The following CACNG6 variants were observed in gnomAD, a reference collection of about 807,000 sequenced individuals.
The protein encoded by CACNG6 is voltage-dependent calcium channel gamma-6 subunit.
A neutral mutation model predicts 23.9 loss-of-function variants in CACNG6; 21 were observed. That is an observed-to-expected ratio of 0.88 (90% CI 0.62 to 1.26). The LOEUF is 1.26. Ranked by LOEUF, CACNG6 falls within the 50% of genes most tolerant of loss-of-function variation. The probability of loss-of-function intolerance (pLI) is 0.00; values close to 1 mark genes in which losing one functional copy is unlikely to be tolerated. For missense variants in CACNG6, 340 were observed against 352.9 expected (o/e 0.96, Z 0.29); for synonymous variants, 182 against 168.9 (o/e 1.08, Z -0.60).
At chr19:54,009,323 AG>A (rs2069679340) in intron 3 of CACNG6, among the ~76,000 whole-genome samples, 1 of 151,804 alleles carries the variant, frequency 6.6e-6, no homozygotes, top group Non-Finnish European at 1.5e-5. Flanking sequence ...CAGGAGGCTG[AG>A]GCAGGAGAAT....
chr19:54,001,257 C>T (rs1568814452), intron 3 of CACNG6, among the ~76,000 whole-genome samples: 1 of 151,516 alleles, frequency 6.6e-6, no homozygotes, highest in Non-Finnish European at 1.5e-5. Context: ...GGCACAATCT[C>T]AGCTCACTGC....
intron 3 of CACNG6, among the ~76,000 whole-genome samples, chr19:54,000,514 T>C (rs1410338987): frequency 1.3e-5 from 2 of 152,224 alleles, no homozygotes; most frequent in African/African-American, 4.8e-5. Flanking sequence ...CACTTCAGTT[T>C]ATTGTACTTC....
Position 53,994,067 on chromosome 19 carries a change from C to T in CACNG6, c.331+859C>T, listed in dbSNP as rs140821011. On this transcript the variant is annotated intron_variant, in intron 1 of 3. Coordinates refer to ENST00000252729, the MANE Select transcript of CACNG6 (RefSeq NM_145814.2). ...CAGCCCGTGCCCACTCTGCATGTGCCCACAGACAGCCTGTGCCCATGGAGA... is the reference window on the plus strand; with the variant it reads ...CAGCCCGTGCCCACTCTGCATGTGCTCACAGACAGCCTGTGCCCATGGAGA... 1.1e-4 allele frequency among the ~76,000 whole-genome samples: 16 copies of T among 152,210 alleles called. No individual in the cohort carries two copies. In the East Asian group the frequency reaches 3.1e-3, roughly 29 times the overall value.
Position 54,000,603 on chromosome 19 carries a change from G to A in CACNG6, c.544+832G>A, listed in dbSNP as rs538959093. Among the ~76,000 whole-genome samples, 7 of 152,250 alleles carry A rather than the reference G, an allele frequency of 4.6e-5. No homozygotes were observed. In the South Asian group the frequency reaches 1.5e-3, roughly 32 times the overall value. On this transcript the variant is annotated intron_variant, in intron 3 of 3. Transcript: ENST00000252729. Reference sequence around the variant, plus strand: ...TATTTACTTATTTATTTTTGAGACAGAGTCTCCCTTTGTCTCCCAGGCTGG... The same window carrying A: ...TATTTACTTATTTATTTTTGAGACAAAGTCTCCCTTTGTCTCCCAGGCTGG...
At chr19:53,997,808 A>C (rs914769773) in intron 1 of CACNG6, among the ~76,000 whole-genome samples, 1 of 152,168 alleles carries the variant, frequency 6.6e-6, no homozygotes, top group Admixed American at 6.5e-5. Flanking sequence ...TGTTCTAGGT[A>C]GGAATCCTTC....
chr19:53,998,173 C>T (rs909076495), intron 1 of CACNG6, 66 bp from the exon 2 acceptor site: 19 of 1,400,220 alleles, frequency 1.4e-5, no homozygotes, highest in Non-Finnish European at 1.8e-5. Flanking sequence ...TGTTAACTGT[C>T]CAGCCCTGAG....
intron 3 of CACNG6, among the ~76,000 whole-genome samples, chr19:54,010,846 G>A (rs575189524): frequency 3.9e-5 from 6 of 152,044 alleles, no homozygotes; most frequent in East Asian, 3.9e-4. Flanking sequence ...GTCCCAAAGC[G>A]CTTGGATTAC....
chr19:53,994,981 T>A (rs1222414204), intron 1 of CACNG6, among the ~76,000 whole-genome samples: 1 of 152,146 alleles, frequency 6.6e-6, no homozygotes, highest in African/African-American at 2.4e-5. Flanking sequence ...CAGTGTTTTA[T>A]GTACATTAAC....
chr19:54,007,770 G>A (rs904904266), intron 3 of CACNG6, among the ~76,000 whole-genome samples: 1 of 65,180 alleles, frequency 1.5e-5, no homozygotes, highest in African/African-American at 7.7e-5. Context: ...GGCAGCTTGC[G>A]ATGTAGTCCC....
chr19:54,011,722 A>AC (rs1361013974), intron 3 of CACNG6, among the ~76,000 whole-genome samples: 1 of 150,862 alleles, frequency 6.6e-6, no homozygotes, highest in Non-Finnish European at 1.5e-5. Context: ...GCCCTCGGCA[A>AC]CCATCCTTCT....
intron 1 of CACNG6, among the ~76,000 whole-genome samples, 198 bp from the exon 2 acceptor site, chr19:53,998,041 C>T (rs1008137688): frequency 6.6e-6 from 1 of 152,088 alleles, no homozygotes; most frequent in African/African-American, 2.4e-5. Flanking sequence ...CTCAGAGCCC[C>T]GGGTAGGAGT....
intron 1 of CACNG6, among the ~76,000 whole-genome samples, chr19:53,997,653 T>C (rs2145955794): frequency 6.6e-6 from 1 of 152,294 alleles, no homozygotes; most frequent in East Asian, 1.9e-4. Context: ...GCTGCCTCTC[T>C]CTGATCCCTG....
At chr19:54,005,250 T>TAAATAAATAAATA (rs368321136) in intron 3 of CACNG6, among the ~76,000 whole-genome samples, 5 of 93,996 alleles carry the variant, frequency 5.3e-5, no homozygotes, top group Non-Finnish European at 8.0e-5. Flanking sequence ...AATAAATAAA[T>TAAATAAATAAATA]AATAATAAAA....
intron 3 of CACNG6, among the ~76,000 whole-genome samples, chr19:54,010,999 T>A (rs1319041525): frequency 1.3e-5 from 2 of 151,508 alleles, no homozygotes; most frequent in African/African-American, 4.9e-5. Flanking sequence ...CCTATCCACC[T>A]CTTCAAACTT....
intron 3 of CACNG6, among the ~76,000 whole-genome samples, chr19:54,004,815 C>T (rs287137): frequency 0.091 from 13,848 of 152,144 alleles, 1,285 homozygotes; most frequent in African/African-American, 0.24. Context: ...TTGTTTAAGT[C>T]TCTGGTCAAA....
Position 53,993,054 on chromosome 19 carries a change from C to G in CACNG6, c.177C>G (p.Thr59=). ...GATLAVLSVG[T]EFWVELNTYK... is the part of the protein sequence containing the mutation. The stretch of plus-strand genomic sequence containing the variant: ...CGCTGGCGGTGCTGTCCGTGGGCAC[C>G]GAGTTCTGGGTGGAGCTCAACACCT... The change falls in exon 1 of 4, where the codon ACC becomes ACG. Residue 59 remains threonine (T), a synonymous_variant. Coordinates refer to ENST00000252729, the MANE Select transcript of CACNG6 (RefSeq NM_145814.2). The G allele has an allele frequency of 2.0e-6, 3 of 1,510,446 alleles. No homozygotes were observed. The highest frequency in any genetic ancestry group is 2.7e-6 in the Non-Finnish European group (3 of 1,129,474). The allele number at this position is 1,510,446 out of a possible 1,614,324, so 93.6% of individuals were successfully genotyped here.
chr19:54,006,107 T>TAAATAAA (rs2069641362), intron 3 of CACNG6, among the ~76,000 whole-genome samples: 1 of 150,004 alleles, frequency 6.7e-6, no homozygotes, highest in African/African-American at 2.4e-5. Context: ...AATAAATAAA[T>TAAATAAA]AAATAAATAA....
At chr19:53,995,893 C>G (rs187986058) in intron 1 of CACNG6, among the ~76,000 whole-genome samples, 2 of 152,210 alleles carry the variant, frequency 1.3e-5, no homozygotes, top group African/African-American at 4.8e-5. Flanking sequence ...AACTCCTGAC[C>G]TCAGGTGATC....
intron 1 of CACNG6, among the ~76,000 whole-genome samples, chr19:53,996,397 C>CT (rs200138254): frequency 0.13 from 14,462 of 112,092 alleles, 979 homozygotes; most frequent in African/African-American, 0.25. Flanking sequence ...TTCTCTCTCT[C>CT]TCTTTTTTTT....
Sources: gnomAD v4.1 joint callset for allele counts (sites outside exome capture counted in the v4.1 genomes callset) on GRCh38, gnomAD v4.1.1 for gene constraint, MANE v1.5 for transcripts, NCBI Gene and HGNC (gene_info 2026-07-23, HGNC 2026-07-21) for gene names.